The following CREBBP variants were observed in gnomAD, a reference collection of about 807,000 sequenced individuals.
CREBBP encodes CREB binding lysine acetyltransferase, also known as CREB-binding protein.
In CREBBP, 19 loss-of-function variants were observed where a neutral mutation model predicts 265.0. The ratio of observed to expected loss-of-function variants is 0.07; its 90% CI spans 0.05 to 0.11. CREBBP has a LOEUF of 0.11. Among genes scored for constraint, CREBBP ranks in the 10% least tolerant of loss-of-function variants. The pLI, the probability that CREBBP is intolerant of heterozygous loss-of-function variation, is 1.00. For missense variants in CREBBP, 2,525 were observed against 3,219.0 expected, an observed-to-expected ratio of 0.78 and a Z score of 5.22; for synonymous variants, 1,457 against 1,223.7, an observed-to-expected ratio of 1.19 and a Z score of -3.98.
chr16:3,796,501 C>A (rs1295591717), intron 3 of CREBBP, among the ~76,000 whole-genome samples: 1 of 152,136 alleles, frequency 6.6e-6, no homozygotes, highest in Non-Finnish European at 1.5e-5. Flanking sequence ...ATTCTCCTGC[C>A]TCAGCCTCCC....
rs541315325 is a variant in CREBBP at position 3,800,059 on chromosome 16, G to A, written c.976-6433C>T. On this transcript the variant is annotated intron_variant, in intron 3 of 30. Coordinates refer to ENST00000262367, the MANE Select transcript of CREBBP (RefSeq NM_004380.3). ...GTAATTAAGGTGGGTACTTTGTTAC[G>A]TAAAGGCAGTAAAGGCTTTAGTCAC... is the stretch of plus-strand genomic sequence containing the variant. Among the ~76,000 whole-genome samples, 7 of 152,266 alleles carry A rather than the reference G, an allele frequency of 4.6e-5. 1 individual carries two copies. In the South Asian group the frequency reaches 6.2e-4, roughly 14 times the overall value.
chr16:3,744,087 A>AG (rs2052282730), intron 23 of CREBBP, among the ~76,000 whole-genome samples: 1 of 152,158 alleles, frequency 6.6e-6, no homozygotes, highest in Non-Finnish European at 1.5e-5. Flanking sequence ...TAAAAAAAAA[A>AG]GAAAGTCTAC....
chr16:3,868,484 A>G (rs1319872567), intron 1 of CREBBP, among the ~76,000 whole-genome samples: 1 of 151,918 alleles, frequency 6.6e-6, no homozygotes, highest in Non-Finnish European at 1.5e-5. Flanking sequence ...AAATCACAGG[A>G]GCTCCCCCAA....
At chr16:3,785,947 C>T (rs910628586) in intron 5 of CREBBP, among the ~76,000 whole-genome samples, 5 of 152,224 alleles carry the variant, frequency 3.3e-5, no homozygotes, top group African/African-American at 4.8e-5. Flanking sequence ...ACCACCCCTT[C>T]TGATGTTGCT....
intron 3 of CREBBP, among the ~76,000 whole-genome samples, chr16:3,803,676 C>G (rs532713050): frequency 6.6e-6 from 1 of 152,140 alleles, no homozygotes; most frequent in African/African-American, 2.4e-5. Context: ...TGGCCAAGGG[C>G]GAGGGACTTG....
At chr16:3,808,898 A>G (rs940921413) in intron 3 of CREBBP, among the ~76,000 whole-genome samples, 9 of 152,192 alleles carry the variant, frequency 5.9e-5, no homozygotes, top group Admixed American at 5.9e-4. Context: ...AAGGAAGCAC[A>G]GGAGAGAACG....
At chr16:3,793,798 A>T (rs1013199451) in intron 3 of CREBBP, among the ~76,000 whole-genome samples, 172 bp from the exon 4 acceptor site, 1 of 152,004 alleles carries the variant, frequency 6.6e-6, no homozygotes, top group Non-Finnish European at 1.5e-5. Flanking sequence ...GCAGCACAGA[A>T]ATCAACCCAA....
chr16:3,784,522 T>C (rs1435130094), intron 5 of CREBBP: 1 of 152,188 alleles, frequency 6.6e-6, no homozygotes, highest in African/African-American at 2.4e-5. Flanking sequence ...GAAACCGACA[T>C]CCTACATTTT....
chr16:3,850,846 G>C lies in CREBBP; in HGVS notation c.249C>G (p.Asn83Lys). The C allele has an allele frequency of 5.0e-6, 8 of 1,614,188 alleles. No homozygotes were observed. Among genetic ancestry groups the C allele is most frequent in the Non-Finnish European group, 6.8e-6 (8 of 1,180,052 alleles). Reference sequence around the variant, plus strand: ...TGGCGCTCACATTTCCTATTCCTGGGTTGATACTAGAGCCGCTGCCTCCTC... The same window carrying C: ...TGGCGCTCACATTTCCTATTCCTGGCTTGATACTAGAGCCGCTGCCTCCTC... ...LLRGGSGSSI[N>K]PGIGNVSASS... Residue 83 changes from asparagine (N) to lysine (K), a missense_variant, in exon 2 of 31, where the codon AAC (asparagine) becomes AAG (lysine). By Grantham distance (94) the Asn-to-Lys change is moderately conservative (BLOSUM62 0). Around this residue, in one of 19 missense-constraint regions of CREBBP, gnomAD observed 356 missense variants for 340.4 expected, o/e 1.05. Coordinates refer to ENST00000262367, the MANE Select transcript of CREBBP (RefSeq NM_004380.3).
At chr16:3,762,921 C>T (rs531456477) in intron 16 of CREBBP, among the ~76,000 whole-genome samples, 11 of 152,162 alleles carry the variant, frequency 7.2e-5, no homozygotes, top group African/African-American at 2.6e-4. Context: ...ACTACAGGCG[C>T]CTGTCACCAT....
intron 1 of CREBBP, among the ~76,000 whole-genome samples, chr16:3,858,417 T>C (rs913282244): frequency 3.3e-5 from 5 of 152,212 alleles, no homozygotes; most frequent in African/African-American, 1.2e-4. Context: ...CTATCACACC[T>C]TCTCCTGGAA....
intron 19 of CREBBP, among the ~76,000 whole-genome samples, chr16:3,753,995 C>A (rs1282490415): frequency 6.6e-6 from 1 of 152,190 alleles, no homozygotes; most frequent in Non-Finnish European, 1.5e-5. Flanking sequence ...CATCCTTCCC[C>A]ACCGAGGAAA....
intron 21 of CREBBP, among the ~76,000 whole-genome samples, chr16:3,747,467 CG>C (rs2052368872): frequency 6.6e-6 from 1 of 152,140 alleles, no homozygotes; most frequent in African/African-American, 2.4e-5. Flanking sequence ...GGAAACCAGG[CG>C]CAACTGTGGT....
At position 3,780,808 on chromosome 16, in the gene CREBBP, G is replaced by A; in HGVS notation, c.1747C>T (p.Pro583Ser). The A allele has an allele frequency of 6.2e-7, 1 of 1,614,022 alleles. No homozygotes were observed. Among genetic ancestry groups the A allele is most frequent in the African/African-American group, 1.3e-5 (1 of 75,034 alleles). The change falls in exon 8 of 31, where the codon CCT becomes TCT. Residue 583 changes from proline to serine, a missense_variant. By Grantham distance (74) the Pro-to-Ser change is moderately conservative (BLOSUM62 -1). This residue lies in a region of CREBBP where 144 missense variants were observed against 134.0 expected (regional missense o/e 1.07). Coordinates refer to ENST00000262367, the MANE Select transcript of CREBBP (RefSeq NM_004380.3). ...CCTTTCCTTACACCGGTGCTAGAAG[G>A]AGGAGCTGCTGTTGGTATAGTGCTG... ...TLSTIPTAAP[P>S]SSTGVRKGWH... is the part of the protein sequence containing the mutation.
chr16:3,804,059 G>C (rs944312799), intron 3 of CREBBP, among the ~76,000 whole-genome samples: 1 of 151,750 alleles, frequency 6.6e-6, no homozygotes, highest in African/African-American at 2.4e-5. Context: ...ACTCCAAATG[G>C]GGTGACAGTG....
At chr16:3,833,736 A>G (rs961497537) in intron 2 of CREBBP, among the ~76,000 whole-genome samples, 2 of 152,230 alleles carry the variant, frequency 1.3e-5, no homozygotes, top group Admixed American at 6.5e-5. Context: ...CTGTAAAGCT[A>G]AAGTACAACT....
intron 2 of CREBBP, among the ~76,000 whole-genome samples, chr16:3,834,436 C>T (rs778505097): frequency 2.0e-5 from 3 of 151,996 alleles, no homozygotes; most frequent in Non-Finnish European, 4.4e-5. Context: ...ATGAATGAGG[C>T]CAATGAGAAA....
intron 1 of CREBBP, among the ~76,000 whole-genome samples, chr16:3,853,063 C>T (rs1317180925): frequency 6.6e-6 from 1 of 151,994 alleles, no homozygotes; most frequent in Non-Finnish European, 1.5e-5. Flanking sequence ...ACCAGCTCTG[C>T]CTCCAGCTCC....
chr16:3,860,106 T>C (rs1049266508), intron 1 of CREBBP, among the ~76,000 whole-genome samples: 2 of 151,910 alleles, frequency 1.3e-5, no homozygotes, highest in African/African-American at 4.8e-5. Flanking sequence ...CAGCACCGAG[T>C]GCCTACTCGG....
Sources: allele counts gnomAD v4.1 joint callset (sites outside exome capture counted in the v4.1 genomes callset), GRCh38; gene constraint gnomAD v4.1.1; regional missense constraint gnomAD v4.1.1; transcripts MANE v1.5; gene names NCBI Gene and HGNC (gene_info 2026-07-23, HGNC 2026-07-21).